The following STK32A variants were observed in gnomAD, a reference collection of about 807,000 sequenced individuals.
STK32A encodes serine/threonine-protein kinase 32A.
Under a neutral mutation model 53.2 loss-of-function variants are expected in STK32A, and 41 were observed. The observed-to-expected ratio is 0.77, with a 90% CI of 0.60 to 1.00. STK32A has a LOEUF of 1.00. Among genes scored for constraint, STK32A ranks in the 50% least tolerant of loss-of-function variants. STK32A has a pLI of 0.00. For missense variants in STK32A, 458 were observed against 485.8 expected (o/e 0.94, Z 0.54); for synonymous variants, 166 against 162.8 (o/e 1.02, Z -0.15).
chr5:147,253,244 CTT>C (rs1754077991), intron 2 of STK32A, among the ~76,000 whole-genome samples: 1 of 152,018 alleles, frequency 6.6e-6, no homozygotes, highest in Non-Finnish European at 1.5e-5. Context: ...ATGAATATTT[CTT>C]TTGGAGTATT....
chr5:147,333,522 G>T (rs1302963131), intron 5 of STK32A, among the ~76,000 whole-genome samples: 1 of 152,162 alleles, frequency 6.6e-6, no homozygotes, highest in Non-Finnish European at 1.5e-5. Context: ...TACCAGTGGG[G>T]CAACTTGGGC....
chr5:147,311,069 A>T (rs1276404615), intron 4 of STK32A, among the ~76,000 whole-genome samples: 4 of 152,126 alleles, frequency 2.6e-5, no homozygotes, highest in Non-Finnish European at 5.9e-5. Flanking sequence ...TTACTGTGCA[A>T]ACTGTAGATT....
At chr5:147,349,531 G>T (rs758344549) in intron 6 of STK32A, among the ~76,000 whole-genome samples, 1 of 152,084 alleles carries the variant, frequency 6.6e-6, no homozygotes, top group Non-Finnish European at 1.5e-5. Context: ...CTTTTGGCAC[G>T]GCCCTTTTGT....
chr5:147,384,046 A>G lies in STK32A; in HGVS notation c.*63A>G. 6.5e-7 allele frequency: 1 copy of G among 1,549,922 alleles called. No individual in the cohort carries two copies. Among genetic ancestry groups the G allele is most frequent in the Non-Finnish European group, 8.7e-7 (1 of 1,155,962 alleles). On this transcript the variant is annotated 3_prime_UTR_variant, in exon 13 of 13. Coordinates refer to ENST00000397936, the MANE Select transcript of STK32A (RefSeq NM_001112724.2). ...GAAACTTCTAATTACATATGTCAAG[A>G]AAAGCTGACAGTAGTTCTTGCCACT...
chr5:147,268,766 A>C (rs555703665), intron 2 of STK32A, among the ~76,000 whole-genome samples: 2 of 152,274 alleles, frequency 1.3e-5, no homozygotes, highest in East Asian at 3.9e-4. Context: ...TCCTAGACCA[A>C]GGCATCTGGC....
the STK32A span, chr5:147,394,218 G>T: frequency 7.8e-7 from 1 of 1,290,202 alleles, no homozygotes; most frequent in Non-Finnish European, 1.1e-6. Context: ...TTTTAAGAGT[G>T]CAAGATATGA....
chr5:147,280,395 G>A (rs1751997602), intron 4 of STK32A, among the ~76,000 whole-genome samples: 1 of 149,322 alleles, frequency 6.7e-6, no homozygotes, highest in African/African-American at 2.5e-5. Flanking sequence ...GAAACAACCT[G>A]GGAGCTGTGT....
chr5:147,364,934 T>C (rs945072831), intron 8 of STK32A, among the ~76,000 whole-genome samples: 28 of 152,194 alleles, frequency 1.8e-4, no homozygotes, highest in Admixed American at 1.8e-3. Context: ...CAGTGATTCC[T>C]CTAAGACCAA....
At chr5:147,330,939 T>A (rs1754838509) in intron 5 of STK32A, among the ~76,000 whole-genome samples, 2 of 152,254 alleles carry the variant, frequency 1.3e-5, no homozygotes, top group Admixed American at 1.3e-4. Context: ...GGCAGAGATC[T>A]GGGCTGGAGT....
intron 4 of STK32A, among the ~76,000 whole-genome samples, chr5:147,322,498 A>G (rs1448707765): frequency 6.6e-6 from 1 of 152,204 alleles, no homozygotes; most frequent in Non-Finnish European, 1.5e-5. Context: ...AAATGTACTA[A>G]GTGCATTTCT....
At chr5:147,394,609 A>G in the STK32A span, among the ~76,000 whole-genome samples, 2 of 146,598 alleles carry the variant, frequency 1.4e-5, no homozygotes, top group African/African-American at 2.4e-5. Context: ...AGAAATTTCA[A>G]TGTGTGCTTG....
At chr5:147,323,821 G>C in intron 4 of STK32A, 77 bp from the exon 5 acceptor site, 1 of 1,273,674 alleles carries the variant, frequency 7.9e-7, no homozygotes, top group African/African-American at 1.5e-5. Context: ...GCTCTGATCT[G>C]TAGGGTCTCA....
intron 7 of STK32A, among the ~76,000 whole-genome samples, chr5:147,357,395 G>A (rs1243418964): frequency 6.6e-6 from 1 of 151,912 alleles, no homozygotes; most frequent in Non-Finnish European, 1.5e-5. Context: ...TCAATTGCCT[G>A]TTCAAATTCT....
chr5:147,260,201 C>CTGT (rs1427293489), intron 2 of STK32A, among the ~76,000 whole-genome samples: 1 of 53,174 alleles, frequency 1.9e-5, no homozygotes, highest in African/African-American at 9.2e-5. Flanking sequence ...CTCTCTCTCT[C>CTGT]CTCTCTCTCT....
chr5:147,254,761 G>A (rs999556798), intron 2 of STK32A, among the ~76,000 whole-genome samples: 4 of 152,146 alleles, frequency 2.6e-5, no homozygotes, highest in Non-Finnish European at 5.9e-5. Context: ...GCAGGTAATC[G>A]GACTGAGTTA....
chr5:147,350,527 A>AATTTTTT (rs1184690141), intron 6 of STK32A, among the ~76,000 whole-genome samples: 1 of 151,454 alleles, frequency 6.6e-6, no homozygotes, highest in Non-Finnish European at 1.5e-5. Context: ...ACGCCCAGCT[A>AATTTTTT]ATTTTTTATT....
At chr5:147,329,198 C>T (rs370521116) in intron 5 of STK32A, among the ~76,000 whole-genome samples, 117 of 152,282 alleles carry the variant, frequency 7.7e-4, no homozygotes, top group African/African-American at 2.6e-3. Flanking sequence ...ATCACCTTTG[C>T]CTTCTTTGCT....
chr5:147,348,707 C>A, intron 6 of STK32A: 1 of 774,050 alleles, frequency 1.3e-6, no homozygotes. Flanking sequence ...ACCTGGCTCT[C>A]CTACAAGTCC....
chr5:147,283,490 T>C (rs1199999769), intron 4 of STK32A, among the ~76,000 whole-genome samples: 1 of 147,314 alleles, frequency 6.8e-6, no homozygotes, highest in Non-Finnish European at 1.5e-5. Flanking sequence ...AAAAGAAAGA[T>C]AAATAAAACA....
Sources: gnomAD v4.1 joint callset for allele counts (sites outside exome capture counted in the v4.1 genomes callset) on GRCh38, gnomAD v4.1.1 for gene constraint, MANE v1.5 for transcripts, NCBI Gene and HGNC (gene_info 2026-07-23, HGNC 2026-07-21) for gene names.